The following ADAMTS16 variants were observed in gnomAD, a reference collection of about 807,000 sequenced individuals.
The protein encoded by ADAMTS16 is A disintegrin and metalloproteinase with thrombospondin motifs 16.
Under a neutral mutation model 145.8 loss-of-function variants are expected in ADAMTS16, and 94 were observed. That is an observed-to-expected ratio of 0.64 (90% CI 0.55 to 0.77). ADAMTS16 has a LOEUF of 0.77. ADAMTS16 is among the 30% of genes least tolerant of loss of function. ADAMTS16 has a pLI of 0.00. For synonymous variants in ADAMTS16, 659 were observed against 604.3 expected (o/e 1.09, Z -1.33); for missense variants, 1,585 against 1,591.5 (o/e 1.00, Z 0.07).
intron 21 of ADAMTS16, among the ~76,000 whole-genome samples, chr5:5,312,199 C>T (rs189079343): frequency 6.6e-6 from 1 of 152,290 alleles, no homozygotes; most frequent in East Asian, 1.9e-4. Context: ...GCCAGCTCCA[C>T]CTCTGCTTCC....
At chr5:5,303,166 C>A (rs923713562) in intron 18 of ADAMTS16, 102 bp from the exon 19 acceptor site, 2 of 1,255,124 alleles carry the variant, frequency 1.6e-6, no homozygotes, top group African/African-American at 3.0e-5. Flanking sequence ...CACACACGAC[C>A]GTGGCTGGGA....
chr5:5,170,708 A>T (rs1560932899), intron 3 of ADAMTS16, among the ~76,000 whole-genome samples: 1 of 148,710 alleles, frequency 6.7e-6, no homozygotes, highest in Non-Finnish European at 1.5e-5. Flanking sequence ...AAATTCTTAG[A>T]TTTTTTTTTT....
chr5:5,229,863 A>G (rs1736874200), intron 11 of ADAMTS16, among the ~76,000 whole-genome samples: 1 of 152,326 alleles, frequency 6.6e-6, no homozygotes, highest in African/African-American at 2.4e-5. Context: ...TGCAACACTC[A>G]AAGATGTAAA....
chr5:5,175,624 G>A (rs1735171121), intron 3 of ADAMTS16, among the ~76,000 whole-genome samples: 1 of 152,204 alleles, frequency 6.6e-6, no homozygotes, highest in African/African-American at 2.4e-5. Flanking sequence ...TCAGGTTTAT[G>A]TAGAACCTCA....
Position 5,222,772 on chromosome 5 carries a change from T to C in ADAMTS16, c.1606-17T>C. ...AATATGATGTAATCCTAATGACCTTTTACAAAATTTCTTTAGGACATCTGT... is the reference window on the plus strand; with the variant it reads ...AATATGATGTAATCCTAATGACCTTCTACAAAATTTCTTTAGGACATCTGT... On this transcript the variant is annotated splice_polypyrimidine_tract_variant and intron_variant, in intron 10 of 22. Coordinates refer to ENST00000274181, the MANE Select transcript of ADAMTS16 (RefSeq NM_139056.4). The C allele has an allele frequency of 6.2e-7, 1 of 1,608,160 alleles. No individual in the cohort carries two copies. Among genetic ancestry groups the C allele is most frequent in the South Asian group, 1.1e-5 (1 of 90,954 alleles).
chr5:5,189,477 G>T (rs1735597631), intron 6 of ADAMTS16, among the ~76,000 whole-genome samples: 1 of 152,134 alleles, frequency 6.6e-6, no homozygotes, highest in Non-Finnish European at 1.5e-5. Context: ...TACTGCCTTT[G>T]TAGAAAAGAT....
chr5:5,152,120 C>A (rs1319217354), intron 3 of ADAMTS16, among the ~76,000 whole-genome samples: 2 of 152,154 alleles, frequency 1.3e-5, no homozygotes, highest in East Asian at 3.9e-4. Context: ...TTGACAATGC[C>A]CTTAGGCATG....
intron 3 of ADAMTS16, among the ~76,000 whole-genome samples, chr5:5,160,999 A>T (rs1165653511): frequency 6.6e-6 from 1 of 152,212 alleles, no homozygotes; most frequent in Non-Finnish European, 1.5e-5. Flanking sequence ...AAATGTAAAA[A>T]TATCTTAAAA....
intron 9 of ADAMTS16, among the ~76,000 whole-genome samples, chr5:5,204,336 G>A (rs1489775847): frequency 6.6e-5 from 10 of 152,120 alleles, no homozygotes; most frequent in African/African-American, 1.4e-4. Context: ...GTTTTGGTAC[G>A]AAATATATAC....
chr5:5,300,638 A>T (rs1219954087), intron 18 of ADAMTS16, among the ~76,000 whole-genome samples: 4 of 152,226 alleles, frequency 2.6e-5, no homozygotes, highest in Middle Eastern at 3.2e-3. Flanking sequence ...AAAGGCCTTA[A>T]GTAATGTGGT....
At chr5:5,187,692 A>T in intron 5 of ADAMTS16, 33 bp from the exon 6 acceptor site, 1 of 1,496,934 alleles carries the variant, frequency 6.7e-7, no homozygotes, top group Non-Finnish European at 9.3e-7. Flanking sequence ...AATGCCATTT[A>T]TGGGGCTGAC....
chr5:5,209,033 T>C (rs1736204447), intron 9 of ADAMTS16, 60 bp from the exon 10 acceptor site: 1 of 1,537,796 alleles, frequency 6.5e-7, no homozygotes, highest in Non-Finnish European at 8.8e-7. Context: ...CATAATTAGT[T>C]GTAAGTCCTT....
In ADAMTS16 at chr5:5,151,678, T is replaced by TTGTG. The variant is rs60381485; in HGVS notation, c.501+5267_501+5270dup. ...TATCCATTATTTCCCATAGTTCCCT[T>TTGTG]TGTGTGTGTGTGTGTGTGTGTGTGT... is the stretch of plus-strand genomic sequence containing the variant. On this transcript the variant is annotated intron_variant, in intron 3 of 22. Coordinates refer to ENST00000274181, the MANE Select transcript of ADAMTS16 (RefSeq NM_139056.4). 7.2e-5 allele frequency among the ~76,000 whole-genome samples: 10 copies of TTGTG among 139,680 alleles called. 1 individual carries two copies. The South Asian group carries it at 7.4e-4, about 10-fold the overall frequency. The allele number at this position is 139,680 out of a possible 152,430, so 91.6% of individuals were successfully genotyped here. A position where few individuals can be genotyped will look rare whatever the true frequency, so the allele number is the denominator to read the frequency against.
At chr5:5,159,063 G>C (rs1734677625) in intron 3 of ADAMTS16, among the ~76,000 whole-genome samples, 1 of 152,222 alleles carries the variant, frequency 6.6e-6, no homozygotes, top group South Asian at 2.1e-4. Flanking sequence ...GGTTAGTTAA[G>C]ATAAACCAGA....
At chr5:5,249,954 A>G (rs912839193) in intron 17 of ADAMTS16, among the ~76,000 whole-genome samples, 5 of 151,850 alleles carry the variant, frequency 3.3e-5, no homozygotes, top group Non-Finnish European at 5.9e-5. Flanking sequence ...CCCCAGCCAA[A>G]CTCCTCTCCA....
Position 5,215,496 on chromosome 5 carries a change from C to T in ADAMTS16, c.1605+6250C>T, listed in dbSNP as rs538528285. Among the ~76,000 whole-genome samples, 45 of 152,140 alleles carry T rather than the reference C, an allele frequency of 3.0e-4. No homozygotes were observed. In the South Asian group the frequency reaches 9.1e-3, roughly 31 times the overall value. ...AGCCTTTTATCCCTCGGCCCCCTCCCTCTCTTCAGTCCCCAAAGTTCATTG... is the reference window on the plus strand; with the variant it reads ...AGCCTTTTATCCCTCGGCCCCCTCCTTCTCTTCAGTCCCCAAAGTTCATTG... On this transcript the variant is annotated intron_variant, in intron 10 of 22. Coordinates refer to ENST00000274181, the MANE Select transcript of ADAMTS16 (RefSeq NM_139056.4).
chr5:5,250,707 CTCTGTGTGTGTG>C (rs1378557724), intron 17 of ADAMTS16, among the ~76,000 whole-genome samples: 7 of 148,558 alleles, frequency 4.7e-5, no homozygotes, highest in Non-Finnish European at 7.4e-5. Context: ...TGTCTCTTCT[CTCTGTGTGTGTG>C]TGTGTGTGTG....
Position 5,261,489 on chromosome 5 carries a change from CTTT to C in ADAMTS16, c.2663-1152_2663-1150del, listed in dbSNP as rs10719029. ...TCAAAGTGTCTTTTAGTTATAGCCT[CTTT>C]TTTTTTTTTTTTTTTGTCAGAGTCT... On this transcript the variant is annotated intron_variant, in intron 17 of 22. Coordinates refer to ENST00000274181, the MANE Select transcript of ADAMTS16 (RefSeq NM_139056.4). Among the ~76,000 whole-genome samples the C allele has an allele frequency of 6.9e-3, 728 of 105,516 alleles. 4 individuals are homozygous for C. Among genetic ancestry groups the C allele is most frequent in the African/African-American group, 0.012 (350 of 28,488 alleles). 69.2% of individuals were successfully genotyped at this position (105,516 alleles called of 152,430 possible). A position where few individuals can be genotyped will look rare whatever the true frequency, so the allele number is the denominator to read the frequency against.
intron 10 of ADAMTS16, among the ~76,000 whole-genome samples, chr5:5,216,830 C>G: frequency 7.1e-6 from 1 of 140,176 alleles, no homozygotes; most frequent in Non-Finnish European, 1.5e-5. Flanking sequence ...TTGTTCAATT[C>G]CCACCTATGA....
Sources: gnomAD v4.1 joint callset for allele counts (sites outside exome capture counted in the v4.1 genomes callset) on GRCh38, gnomAD v4.1.1 for gene constraint, MANE v1.5 for transcripts, NCBI Gene and HGNC (gene_info 2026-07-23, HGNC 2026-07-21) for gene names.